Variants in CALB2 observed in about 807,000 individuals in gnomAD.
CALB2 encodes the protein calbindin 2.
CALB2 carries 34 observed loss-of-function variants against 45.9 expected under a neutral mutation model. That is an observed-to-expected ratio of 0.74 (90% CI 0.56 to 0.99). The LOEUF is 0.99. Among genes scored for constraint, CALB2 ranks in the 50% least tolerant of loss-of-function variants. CALB2 has a pLI of 0.00. For synonymous variants in CALB2, 142 were observed against 129.6 expected, an observed-to-expected ratio of 1.10 and a Z score of -0.65; for missense variants, 344 against 339.3, an observed-to-expected ratio of 1.01 and a Z score of -0.11.
chr16:71,379,555 C>T (rs2042461673), intron 4 of CALB2, among the ~76,000 whole-genome samples: 2 of 152,228 alleles, frequency 1.3e-5, no homozygotes, highest in Admixed American at 1.3e-4. Flanking sequence ...TGGGACTCCA[C>T]ACTCTAACCA....
chr16:71,389,703 G>T, intron 10 of CALB2, 46 bp from the exon 11 acceptor site: 1 of 1,418,690 alleles, frequency 7.0e-7, no homozygotes. Context: ...CCTTGCGTCG[G>T]GACCATCCCC....
intron 1 of CALB2, among the ~76,000 whole-genome samples, chr16:71,365,654 G>A (rs979920623): frequency 1.3e-5 from 2 of 152,120 alleles, no homozygotes; most frequent in African/African-American, 2.4e-5. Context: ...TTCCTAACAA[G>A]CACCCAGGTA....
At chr16:71,380,286 CCTTTTCTTTTTTTTTTTTTTTTTT>C (rs2042473166) in intron 4 of CALB2, among the ~76,000 whole-genome samples, 1 of 106,794 alleles carries the variant, frequency 9.4e-6, no homozygotes, top group Non-Finnish European at 1.8e-5. Flanking sequence ...TTCTTTCCTT[CCTTTTCTTTTTTTTTTTTTTTTTT>C]TTTTTTTTTT....
At chr16:71,389,425 G>A (rs961046598) in intron 10 of CALB2, 2 of 487,152 alleles carry the variant, frequency 4.1e-6, no homozygotes, top group Non-Finnish European at 4.1e-6. Context: ...GCTTGCTGAT[G>A]TGGCTTATAT....
At chr16:71,363,813 T>C (rs1467239396) in intron 1 of CALB2, among the ~76,000 whole-genome samples, 1 of 152,218 alleles carries the variant, frequency 6.6e-6, no homozygotes, top group Non-Finnish European at 1.5e-5. Context: ...ATAGGATTTA[T>C]CAAAACGATT....
chr16:71,380,934 G>C (rs2042483812), intron 4 of CALB2, among the ~76,000 whole-genome samples: 1 of 152,200 alleles, frequency 6.6e-6, no homozygotes, highest in Admixed American at 6.5e-5. Context: ...GAAGAGAAAG[G>C]ATGCACTGAT....
intron 1 of CALB2, among the ~76,000 whole-genome samples, chr16:71,371,894 C>T (rs2042355676): frequency 6.6e-6 from 1 of 152,222 alleles, no homozygotes; most frequent in Non-Finnish European, 1.5e-5. Flanking sequence ...AAGCTGCCAA[C>T]TTCTGCTCTC....
chr16:71,389,398 CCTTTT>C (rs952476283), intron 10 of CALB2: 18 of 457,592 alleles, frequency 3.9e-5, no homozygotes, highest in African/African-American at 3.6e-4. Context: ...ACAATAGCTA[CCTTTT>C]ATTTTTCAAG....
At chr16:71,379,328 C>T (rs889773125) in intron 4 of CALB2, among the ~76,000 whole-genome samples, 5 of 151,734 alleles carry the variant, frequency 3.3e-5, no homozygotes, top group Non-Finnish European at 7.4e-5. Context: ...ATTAGCATTC[C>T]CCTCTTGGCA....
At chr16:71,386,417 G>T (rs911598074) in intron 10 of CALB2, among the ~76,000 whole-genome samples, 2 of 152,230 alleles carry the variant, frequency 1.3e-5, no homozygotes, top group Non-Finnish European at 2.9e-5. Context: ...GGCTATTCTG[G>T]ATTGATGAAC....
At chr16:71,375,303 T>C (rs2042397628) in intron 3 of CALB2, among the ~76,000 whole-genome samples, 1 of 152,226 alleles carries the variant, frequency 6.6e-6, no homozygotes, top group African/African-American at 2.4e-5. Context: ...TGTATACATA[T>C]ATACATTCAT....
At chr16:71,363,654 C>T (rs561478280) in intron 1 of CALB2, among the ~76,000 whole-genome samples, 106 of 152,314 alleles carry the variant, frequency 7.0e-4, no homozygotes, top group African/African-American at 2.4e-3. Context: ...CAGAGATGAA[C>T]GGGAACCTGG....
chr16:71,366,529 C>T (rs547023030), intron 1 of CALB2, among the ~76,000 whole-genome samples: 2 of 150,390 alleles, frequency 1.3e-5, no homozygotes, highest in African/African-American at 4.9e-5. Context: ...TGGGGTTTCA[C>T]CATGTTGGCC....
intron 1 of CALB2, among the ~76,000 whole-genome samples, chr16:71,360,260 T>A (rs2042225206): frequency 6.6e-6 from 1 of 152,144 alleles, no homozygotes; most frequent in African/African-American, 2.4e-5. Flanking sequence ...TGTCTGGGGA[T>A]GCTAATGGGT....
At chr16:71,381,717 G>T (rs1213109413) in intron 4 of CALB2, among the ~76,000 whole-genome samples, 1 of 151,874 alleles carries the variant, frequency 6.6e-6, no homozygotes, top group East Asian at 1.9e-4. Flanking sequence ...AACAAAACTT[G>T]AAAGAAAATC....
At position 71,384,005 on chromosome 16, in the gene CALB2, G is replaced by A. The variant is rs1202226752; in HGVS notation, c.513G>A (p.Leu171=). The change falls in exon 7 of 11, where the codon TTG becomes TTA. Residue 171 remains leucine, a synonymous_variant. Coordinates refer to ENST00000302628, the MANE Select transcript of CALB2 (RefSeq NM_001740.5). ...RMFDLNGDGK[L]GLSEMSRLLP... ...TTGACTTGAACGGGGATGGCAAATT[G>A]GGCCTCTCAGAGATGTCCCGGTAAG... 1 of 1,613,764 alleles carries A rather than the reference G, an allele frequency of 6.2e-7. No individual in the cohort carries two copies. Among genetic ancestry groups the A allele is most frequent in the Admixed American group, 1.7e-5 (1 of 59,980 alleles).
At chr16:71,366,024 C>CTCT (rs1567534845) in intron 1 of CALB2, among the ~76,000 whole-genome samples, 4 of 45,064 alleles carry the variant, frequency 8.9e-5, no homozygotes, top group African/African-American at 1.9e-4. Context: ...CTCTCTCTCT[C>CTCT]TTTTTTTTTT....
In CALB2 at chr16:71,384,389, G is replaced by C. The variant is rs776262401; in HGVS notation, c.573+11G>C. On this transcript the variant is annotated intron_variant, in intron 8 of 10. Transcript: ENST00000302628. ...CTGCTTAAATTTCAGGTAAAACTTTGCTTTCCTTCCTTCCCCCTTCCCTCA... is the reference window on the plus strand; with the variant it reads ...CTGCTTAAATTTCAGGTAAAACTTTCCTTTCCTTCCTTCCCCCTTCCCTCA... The C allele has an allele frequency of 6.9e-6, 11 of 1,598,874 alleles. No homozygotes were observed. Among genetic ancestry groups the C allele is most frequent in the Non-Finnish European group, 9.4e-6 (11 of 1,174,116 alleles).
chr16:71,381,873 C>T (rs371746338), intron 4 of CALB2, among the ~76,000 whole-genome samples: 30 of 151,720 alleles, frequency 2.0e-4, no homozygotes, highest in East Asian at 1.4e-3. Flanking sequence ...AAATTAGTTG[C>T]GTGTGGTGGT....
Sources: allele counts gnomAD v4.1 joint callset (sites outside exome capture counted in the v4.1 genomes callset), GRCh38; gene constraint gnomAD v4.1.1; transcripts MANE v1.5; gene names NCBI Gene and HGNC (gene_info 2026-07-23, HGNC 2026-07-21).